Variants in CLASP2 observed in about 807,000 individuals in gnomAD.
CLASP2 encodes cytoplasmic linker associated protein 2.
Under a neutral mutation model 194.4 loss-of-function variants are expected in CLASP2, and 47 were observed. That is an observed-to-expected ratio of 0.24 (90% CI 0.19 to 0.31). The LOEUF (loss-of-function observed/expected upper bound fraction) is 0.31, where lower values mean the gene tolerates loss of function less well. CLASP2 is among the 10% of genes least tolerant of loss of function. The pLI is 1.00. For synonymous variants in CLASP2, 619 were observed against 633.5 expected, an observed-to-expected ratio of 0.98 and a Z score of 0.34; for missense variants, 1,445 against 1,823.6, an observed-to-expected ratio of 0.79 and a Z score of 3.78.
intron 1 of CLASP2, among the ~76,000 whole-genome samples, chr3:33,707,976 CTG>C (rs1173105465): frequency 6.6e-6 from 1 of 152,200 alleles, no homozygotes; most frequent in Non-Finnish European, 1.5e-5. Flanking sequence ...AAAAGGGACT[CTG>C]TGGATATAAT....
intron 12 of CLASP2, among the ~76,000 whole-genome samples, chr3:33,616,734 C>CTTTTTTT (rs958911625): frequency 1.0e-5 from 1 of 95,354 alleles, no homozygotes; most frequent in African/African-American, 4.2e-5. Context: ...ACTATACTTC[C>CTTTTTTT]TTTTTTTTTT....
intron 34 of CLASP2, among the ~76,000 whole-genome samples, chr3:33,532,687 T>C (rs970553433): frequency 6.6e-6 from 1 of 152,174 alleles, no homozygotes; most frequent in Non-Finnish European, 1.5e-5. Flanking sequence ...AAAGAAATTT[T>C]ATTTTTTGTA....
At chr3:33,586,302 T>C (rs936573945) in intron 21 of CLASP2, among the ~76,000 whole-genome samples, 1 of 152,082 alleles carries the variant, frequency 6.6e-6, no homozygotes, top group African/African-American at 2.4e-5. Context: ...ACCTGGTTAA[T>C]TTTTGTATTT....
At chr3:33,575,685 A>G (rs947449690) in intron 24 of CLASP2, among the ~76,000 whole-genome samples, 2 of 152,144 alleles carry the variant, frequency 1.3e-5, no homozygotes, top group African/African-American at 4.8e-5. Context: ...TTAATGTGTC[A>G]GACATAAAGA....
rs114471776 is a variant in CLASP2, at chr3:33,550,381, C to A, written c.3153+871G>T. On this transcript the variant is annotated intron_variant, in intron 30 of 38. Coordinates refer to ENST00000682230, the MANE Select transcript of CLASP2 (RefSeq NM_001365631.1). Reference sequence around the variant, plus strand: ...CTGTGCTCCAGCCTGGGTGAAAAAGCGAGACTGCCTCAAAAAAAAAAAAAA... The same window carrying A: ...CTGTGCTCCAGCCTGGGTGAAAAAGAGAGACTGCCTCAAAAAAAAAAAAAA... Among the ~76,000 whole-genome samples, 5 of 111,658 alleles carry A rather than the reference C, an allele frequency of 4.5e-5. No individual in the cohort carries two copies. The South Asian group carries it at 1.3e-3, about 30-fold the overall frequency. The allele number at this position is 111,658 out of a possible 152,430, so 73.3% of individuals were successfully genotyped here.
intron 5 of CLASP2, among the ~76,000 whole-genome samples, chr3:33,685,550 A>C (rs2090555004): frequency 6.6e-6 from 1 of 152,140 alleles, no homozygotes. Context: ...ATGTGGAAAC[A>C]ACCAAAATGT....
intron 18 of CLASP2, among the ~76,000 whole-genome samples, chr3:33,599,550 A>G (rs1488000543): frequency 3.9e-5 from 6 of 152,166 alleles, no homozygotes; most frequent in Non-Finnish European, 8.8e-5. Context: ...TCCTTCAGCA[A>G]CCTACCAATA....
chr3:33,587,274 C>A (rs939697389), intron 21 of CLASP2, among the ~76,000 whole-genome samples: 1 of 151,938 alleles, frequency 6.6e-6, no homozygotes, highest in Non-Finnish European at 1.5e-5. Flanking sequence ...TACAGGCACC[C>A]GCCACCACGC....
intron 1 of CLASP2, among the ~76,000 whole-genome samples, chr3:33,698,051 T>C (rs2092083787): frequency 6.6e-6 from 1 of 152,030 alleles, no homozygotes; most frequent in South Asian, 2.1e-4. Flanking sequence ...CTGGACACTC[T>C]TAAGACTAAG....
chr3:33,584,643 TA>T, intron 22 of CLASP2, 106 bp downstream of exon 22: 1 of 993,248 alleles, frequency 1.0e-6, no homozygotes, highest in Non-Finnish European at 1.4e-6. Flanking sequence ...TATTTTCTTC[TA>T]ATTTGTAAGT....
chr3:33,603,033 C>T lies in CLASP2; in HGVS notation c.1843G>A (p.Ala615Thr). 2 of 1,606,462 alleles carry T rather than the reference C, an allele frequency of 1.2e-6. No individual in the cohort carries two copies. Among genetic ancestry groups the T allele is most frequent in the Non-Finnish European group, 8.5e-7 (1 of 1,176,278 alleles). Residue 615 changes from alanine to threonine, a missense_variant, in exon 18 of 39, where the codon GCA becomes ACA. By Grantham distance (58) the Ala-to-Thr change is moderately conservative. This residue lies in a region of CLASP2 where 174 missense variants were observed against 179.0 expected (regional missense o/e 0.97). Transcript: ENST00000682230. ...IDVNAAAGAKAHHAAGQSVRS... is the reference protein window; with the variant it reads ...IDVNAAAGAKTHHAAGQSVRS... ...ACAGACTGTCCAGCAGCATGATGTG[C>T]CTTGGCACCTGCAGCAGCATTCACA...
chr3:33,600,503 G>A (rs1221508667), intron 18 of CLASP2, among the ~76,000 whole-genome samples: 1 of 152,026 alleles, frequency 6.6e-6, no homozygotes. Flanking sequence ...TATTAATATG[G>A]TACATTTGTT....
At chr3:33,680,009 G>A (rs936667023) in intron 6 of CLASP2, among the ~76,000 whole-genome samples, 1 of 152,138 alleles carries the variant, frequency 6.6e-6, no homozygotes, top group African/African-American at 2.4e-5. Flanking sequence ...TGGAAAAACT[G>A]TGGTACTTCC....
At chr3:33,672,400 A>C (rs1001623514) in intron 6 of CLASP2, among the ~76,000 whole-genome samples, 3 of 152,214 alleles carry the variant, frequency 2.0e-5, no homozygotes, top group Non-Finnish European at 4.4e-5. Flanking sequence ...TGTTAGAAGG[A>C]AAACGAACAA....
chr3:33,590,359 C>T (rs2068458920), intron 21 of CLASP2, among the ~76,000 whole-genome samples: 1 of 152,138 alleles, frequency 6.6e-6, no homozygotes, highest in African/African-American at 2.4e-5. Flanking sequence ...CAAGACTTAA[C>T]TGTGATATAA....
At chr3:33,522,181 GTCCTGCCCC>G in intron 34 of CLASP2, among the ~76,000 whole-genome samples, 2 of 152,214 alleles carry the variant, frequency 1.3e-5, no homozygotes, top group Middle Eastern at 6.8e-3. Flanking sequence ...GGGCTTAAAG[GTCCTGCCCC>G]TCCTTTTTCA....
intron 25 of CLASP2, among the ~76,000 whole-genome samples, chr3:33,571,792 GATCTC>G (rs1457717095): frequency 6.6e-6 from 1 of 152,100 alleles, no homozygotes; most frequent in Non-Finnish European, 1.5e-5. Flanking sequence ...GACAAAGCGA[GATCTC>G]ATCTCTTTAA....
At chr3:33,514,823 C>T (rs74395530) in intron 36 of CLASP2, 3 of 33,644 alleles carry the variant, frequency 8.9e-5, no homozygotes, top group South Asian at 4.8e-4. Flanking sequence ...TATGTATATA[C>T]ACACACACAC....
intron 1 of CLASP2, among the ~76,000 whole-genome samples, chr3:33,707,466 T>G (rs544482286): frequency 6.6e-6 from 1 of 152,328 alleles, no homozygotes; most frequent in East Asian, 1.9e-4. Context: ...CTTATAAAAC[T>G]ATTCCAGCCA....
Sources: allele counts gnomAD v4.1 joint callset (sites outside exome capture counted in the v4.1 genomes callset), GRCh38; gene constraint gnomAD v4.1.1; regional missense constraint gnomAD v4.1.1; transcripts MANE v1.5; gene names NCBI Gene and HGNC (gene_info 2026-07-23, HGNC 2026-07-21).